RNF38: variants seen among roughly 807,000 people sequenced by gnomAD.
RNF38 encodes ring finger protein 38.
A neutral mutation model predicts 67.2 loss-of-function variants in RNF38; 15 were observed. The ratio of observed to expected loss-of-function variants is 0.22; its 90% confidence interval spans 0.15 to 0.34. The LOEUF is 0.34. Ranked by LOEUF, RNF38 falls within the 10% of genes least tolerant of loss-of-function variation. RNF38 has a pLI of 1.00. For missense variants in RNF38, 524 were observed against 639.9 expected, an observed-to-expected ratio of 0.82 and a Z score of 1.95; for synonymous variants, 220 against 218.8, an observed-to-expected ratio of 1.01 and a Z score of -0.05.
At chr9:36,446,685 G>A (rs1839308314) in intron 1 of RNF38, among the ~76,000 whole-genome samples, 1 of 151,696 alleles carries the variant, frequency 6.6e-6, no homozygotes, top group African/African-American at 2.4e-5. Context: ...GCCCCCGCCT[G>A]TAATCCCAGC....
intron 10 of RNF38, among the ~76,000 whole-genome samples, chr9:36,344,180 A>G (rs1299077736): frequency 4.6e-5 from 7 of 151,842 alleles, no homozygotes; most frequent in Admixed American, 1.3e-4. Context: ...ATGTCCAGCT[A>G]ATTTTTGTAT....
chr9:36,437,655 G>T (rs931126283), intron 1 of RNF38, among the ~76,000 whole-genome samples: 2 of 152,036 alleles, frequency 1.3e-5, no homozygotes, highest in African/African-American at 4.8e-5. Flanking sequence ...ACAAAATATG[G>T]TCCTTACCTT....
chr9:36,474,171 G>A (rs1486249370), intron 1 of RNF38, among the ~76,000 whole-genome samples: 1 of 151,388 alleles, frequency 6.6e-6, no homozygotes, highest in African/African-American at 2.4e-5. Flanking sequence ...AAATTAGCCG[G>A]GCGTGGTGGC....
intron 1 of RNF38, among the ~76,000 whole-genome samples, chr9:36,447,932 A>G (rs989360113): frequency 6.6e-6 from 1 of 152,236 alleles, no homozygotes; most frequent in Non-Finnish European, 1.5e-5. Context: ...AACCAAGAGC[A>G]GCGGCTTCTA....
intron 1 of RNF38, among the ~76,000 whole-genome samples, chr9:36,443,635 T>C (rs1014620510): frequency 6.6e-6 from 1 of 151,736 alleles, no homozygotes; most frequent in East Asian, 1.9e-4. Context: ...CATCAAACCA[T>C]ATAGACCAGA....
intron 9 of RNF38, 129 bp from the exon 10 acceptor site, chr9:36,345,082 T>A: frequency 3.2e-6 from 3 of 944,588 alleles, no homozygotes; most frequent in Non-Finnish European, 4.5e-6. Flanking sequence ...ACAGGCATGA[T>A]CATTGTGCAC....
chr9:36,448,159 A>G (rs1839352326), intron 1 of RNF38, among the ~76,000 whole-genome samples: 1 of 152,244 alleles, frequency 6.6e-6, no homozygotes, highest in Non-Finnish European at 1.5e-5. Context: ...GGTCTTCTTA[A>G]GGCCTGGGCC....
chr9:36,396,902 A>G (rs1564040074), intron 1 of RNF38, among the ~76,000 whole-genome samples: 1 of 151,968 alleles, frequency 6.6e-6, no homozygotes, highest in Non-Finnish European at 1.5e-5. Flanking sequence ...TAAGTCATTC[A>G]TCTCTAAGCT....
intron 1 of RNF38, among the ~76,000 whole-genome samples, chr9:36,483,833 G>C (rs916511098): frequency 1.3e-5 from 2 of 152,116 alleles, no homozygotes; most frequent in African/African-American, 4.8e-5. Context: ...ACCACATACA[G>C]TTGACACATG....
intron 6 of RNF38, among the ~76,000 whole-genome samples, chr9:36,354,654 C>T (rs1228575402): frequency 7.9e-5 from 12 of 152,182 alleles, no homozygotes; most frequent in Non-Finnish European, 1.3e-4. Flanking sequence ...ACCACTCTTT[C>T]GTCACCCATT....
intron 1 of RNF38, among the ~76,000 whole-genome samples, chr9:36,474,992 A>G (rs1348154462): frequency 6.8e-6 from 1 of 146,522 alleles, no homozygotes; most frequent in Non-Finnish European, 1.5e-5. Flanking sequence ...AAATAAAAAA[A>G]TTAGCTGGGC....
At chr9:36,342,494 T>C (rs1414797169) in intron 10 of RNF38, 70 bp from the exon 11 acceptor site, 4 of 918,310 alleles carry the variant, frequency 4.4e-6, no homozygotes, top group Non-Finnish European at 7.1e-6. Context: ...TACTGAAACC[T>C]ACAAGATAAT....
chr9:36,364,193 ACTC>A (rs976848453), intron 4 of RNF38, among the ~76,000 whole-genome samples: 1 of 151,866 alleles, frequency 6.6e-6, no homozygotes, highest in Non-Finnish European at 1.5e-5. Flanking sequence ...AGCAAAACCA[ACTC>A]CTCCTCCTCT....
intron 4 of RNF38, among the ~76,000 whole-genome samples, chr9:36,366,132 T>C (rs143314078): frequency 2.3e-3 from 351 of 152,264 alleles, no homozygotes; most frequent in African/African-American, 7.9e-3. Flanking sequence ...CACCTGAATA[T>C]ACTGCTTTGT....
At chr9:36,409,061 C>A (rs912866063) in intron 2 of RNF38, among the ~76,000 whole-genome samples, 1 of 152,100 alleles carries the variant, frequency 6.6e-6, no homozygotes, top group Admixed American at 6.6e-5. Flanking sequence ...GTGGTGAATG[C>A]TGGTAATCCC....
chr9:36,439,360 T>TA (rs1009790480), intron 1 of RNF38, among the ~76,000 whole-genome samples: 4 of 152,192 alleles, frequency 2.6e-5, no homozygotes, highest in African/African-American at 9.7e-5. Flanking sequence ...TGTGAAACCT[T>TA]AGATCTTGAA....
At chr9:36,487,257 G>C in intron 1 of RNF38, 1 of 976,360 alleles carries the variant, frequency 1.0e-6, no homozygotes, top group Non-Finnish European at 1.2e-6. Context: ...GCCCCCACCC[G>C]CGGGACCGAC....
At chr9:36,409,810 C>G (rs1482758354) in intron 2 of RNF38, among the ~76,000 whole-genome samples, 2 of 152,244 alleles carry the variant, frequency 1.3e-5, no homozygotes, top group African/African-American at 2.4e-5. Flanking sequence ...TACAGGCCCT[C>G]CAGACTTTAA....
intron 3 of RNF38, among the ~76,000 whole-genome samples, chr9:36,374,937 G>A (rs1449962424): frequency 6.6e-6 from 1 of 152,082 alleles, no homozygotes; most frequent in East Asian, 1.9e-4. Context: ...GGGGAGGAGG[G>A]GTTACAAACA....
Sources: gnomAD v4.1 joint callset for allele counts (sites outside exome capture counted in the v4.1 genomes callset) on GRCh38, gnomAD v4.1.1 for gene constraint, MANE v1.5 for transcripts, NCBI Gene and HGNC (gene_info 2026-07-23, HGNC 2026-07-21) for gene names.